Variants in LINGO2 observed in about 807,000 individuals in gnomAD.
LINGO2 encodes leucine-rich repeat and immunoglobulin-like domain-containing nogo receptor-interacting protein 2.
LINGO2 carries 14 observed loss-of-function variants against 30.6 expected under a neutral mutation model. The ratio of observed to expected loss-of-function variants is 0.46; its 90% CI spans 0.30 to 0.72. The LOEUF is 0.72. LINGO2 is among the 30% of genes least tolerant of loss of function. The pLI, the probability that LINGO2 is intolerant of heterozygous loss-of-function variation, is 0.07. For missense variants in LINGO2, 729 were observed against 751.7 expected (o/e 0.97, Z 0.35); for synonymous variants, 317 against 288.5 (o/e 1.10, Z -1.00).
At chr9:29,176,779 CTA>C in the LINGO2 span, among the ~76,000 whole-genome samples, 2 of 152,330 alleles carry the variant, frequency 1.3e-5, no homozygotes, top group South Asian at 4.1e-4. Flanking sequence ...CATGAAATTT[CTA>C]TAAGCTTCAA....
chr9:29,169,198 T>G, the LINGO2 span, among the ~76,000 whole-genome samples: 1 of 152,166 alleles, frequency 6.6e-6, no homozygotes, highest in Non-Finnish European at 1.5e-5. Context: ...TCCGCCCACC[T>G]TGGCCTCCCA....
intron 5 of LINGO2, among the ~76,000 whole-genome samples, chr9:27,997,914 T>C (rs1821747964): frequency 7.9e-6 from 1 of 127,344 alleles, no homozygotes; most frequent in African/African-American, 3.1e-5. Flanking sequence ...GTGCATCTTT[T>C]AAATGGGTTT....
the LINGO2 span, among the ~76,000 whole-genome samples, chr9:28,986,406 G>C: frequency 1.3e-5 from 2 of 151,802 alleles, no homozygotes; most frequent in Non-Finnish European, 2.9e-5. Context: ...CTCTTTCTAT[G>C]AACAATAACA....
chr9:28,917,542 T>G, the LINGO2 span, among the ~76,000 whole-genome samples: 1 of 151,616 alleles, frequency 6.6e-6, no homozygotes, highest in African/African-American at 2.4e-5. Flanking sequence ...AACCTCCACC[T>G]CCTGGATTCA....
chr9:28,062,369 T>C (rs1218292226), intron 4 of LINGO2, among the ~76,000 whole-genome samples: 3 of 150,962 alleles, frequency 2.0e-5, no homozygotes, highest in South Asian at 2.1e-4. Context: ...TCACTGCAAA[T>C]ATCTCTGTTA....
chr9:27,976,072 T>G (rs1820578765), intron 5 of LINGO2, among the ~76,000 whole-genome samples: 2 of 152,090 alleles, frequency 1.3e-5, no homozygotes, highest in South Asian at 4.1e-4. Flanking sequence ...AATGGGGCAG[T>G]TACTTAACCT....
chr9:28,703,241 A>C, the LINGO2 span, among the ~76,000 whole-genome samples: 2 of 151,702 alleles, frequency 1.3e-5, no homozygotes, highest in Non-Finnish European at 2.9e-5. Context: ...TTTCTTTTCT[A>C]AACTATATTT....
intron 5 of LINGO2, among the ~76,000 whole-genome samples, chr9:27,967,218 A>G (rs1183576726): frequency 6.6e-6 from 1 of 152,162 alleles, no homozygotes; most frequent in African/African-American, 2.4e-5. Context: ...GTGGCTTAAA[A>G]CAATAGAAGT....
the LINGO2 span, among the ~76,000 whole-genome samples, chr9:28,780,027 TCTAA>T: frequency 6.6e-6 from 1 of 152,164 alleles, no homozygotes; most frequent in African/African-American, 2.4e-5. Context: ...TGTCAAAACT[TCTAA>T]CTCATTGTTT....
At chr9:28,078,436 A>G (rs775918266) in intron 4 of LINGO2, among the ~76,000 whole-genome samples, 9 of 149,104 alleles carry the variant, frequency 6.0e-5, no homozygotes, top group Non-Finnish European at 1.0e-4. Context: ...CTGATTTTTA[A>G]ATAGACTATT....
At chr9:28,214,536 A>G (rs1036952890) in intron 4 of LINGO2, among the ~76,000 whole-genome samples, 19 of 151,608 alleles carry the variant, frequency 1.3e-4, no homozygotes, top group African/African-American at 4.6e-4. Context: ...CATATGAATG[A>G]CAATACAAAG....
intron 2 of LINGO2, among the ~76,000 whole-genome samples, chr9:28,433,323 G>A (rs2134963465): frequency 1.5e-5 from 2 of 134,936 alleles, no homozygotes; most frequent in Non-Finnish European, 3.5e-5. Context: ...CAGCCACTGG[G>A]TGTACTCCAA....
chr9:28,039,338 A>G (rs958330868), intron 4 of LINGO2, among the ~76,000 whole-genome samples: 2 of 152,254 alleles, frequency 1.3e-5, no homozygotes, highest in Non-Finnish European at 2.9e-5. Context: ...CTATATATAA[A>G]CTAAGTGCAA....
At chr9:27,940,626 T>C in the LINGO2 span, 1 of 152,218 alleles carries the variant, frequency 6.6e-6, no homozygotes, top group African/African-American at 2.4e-5. Flanking sequence ...CTAATTTTTA[T>C]TTCGACTGTA....
intron 4 of LINGO2, among the ~76,000 whole-genome samples, chr9:28,081,345 C>T (rs932321654): frequency 2.7e-5 from 4 of 149,138 alleles, no homozygotes; most frequent in Non-Finnish European, 4.4e-5. Flanking sequence ...ATCTAATAGA[C>T]AAAATTATTT....
chr9:28,111,883 G>T (rs1487021819), intron 4 of LINGO2, among the ~76,000 whole-genome samples: 3 of 152,014 alleles, frequency 2.0e-5, no homozygotes, highest in Admixed American at 2.0e-4. Context: ...TATCTTAGAT[G>T]ATAGAATAAA....
intron 5 of LINGO2, among the ~76,000 whole-genome samples, chr9:27,985,659 A>T (rs931596647): frequency 4.7e-5 from 7 of 148,878 alleles, no homozygotes; most frequent in African/African-American, 1.8e-4. Context: ...ATTAGGGTTT[A>T]TTATTATTAC....
At chr9:28,976,287 C>T in the LINGO2 span, among the ~76,000 whole-genome samples, 2 of 152,062 alleles carry the variant, frequency 1.3e-5, no homozygotes, top group African/African-American at 4.8e-5. Flanking sequence ...ACATAGAACC[C>T]TAGACAGTGA....
the LINGO2 span, among the ~76,000 whole-genome samples, chr9:28,733,541 G>A: frequency 2.0e-5 from 3 of 152,094 alleles, no homozygotes; most frequent in African/African-American, 7.2e-5. Flanking sequence ...TAGTGTGCTT[G>A]TCCATCTGCT....
Sources: allele counts gnomAD v4.1 joint callset (sites outside exome capture counted in the v4.1 genomes callset), GRCh38; gene constraint gnomAD v4.1.1; transcripts MANE v1.5; gene names NCBI Gene and HGNC (gene_info 2026-07-23, HGNC 2026-07-21).